KDM7A: variants seen among roughly 807,000 people sequenced by gnomAD.
The protein encoded by KDM7A is lysine-specific demethylase 7A.
A neutral mutation model predicts 114.8 loss-of-function variants in KDM7A; 28 were observed. The observed-to-expected ratio is 0.24, with a 90% CI of 0.18 to 0.33. The LOEUF is 0.33. Ranked by LOEUF, KDM7A falls within the 10% of genes least tolerant of loss-of-function variation. The pLI, the probability that KDM7A is intolerant of heterozygous loss-of-function variation, is 1.00. For missense variants in KDM7A, 942 were observed against 1,142.5 expected (o/e 0.82, Z 2.53); for synonymous variants, 423 against 397.8 (o/e 1.06, Z -0.75).
chr7:140,129,904 C>A (rs1423436064), intron 3 of KDM7A, among the ~76,000 whole-genome samples: 2 of 151,760 alleles, frequency 1.3e-5, no homozygotes, highest in Non-Finnish European at 1.5e-5. Context: ...GGTCTAAATG[C>A]AAAAAGAAAA....
intron 1 of KDM7A, among the ~76,000 whole-genome samples, chr7:140,164,893 A>C (rs974994889): frequency 6.6e-6 from 1 of 152,218 alleles, no homozygotes; most frequent in Admixed American, 6.5e-5. Context: ...CTACTTCTGC[A>C]TATGTCTGGT....
At chr7:140,151,534 A>AT (rs1170097240) in intron 1 of KDM7A, among the ~76,000 whole-genome samples, 1 of 152,216 alleles carries the variant, frequency 6.6e-6, no homozygotes, top group Admixed American at 6.5e-5. Context: ...AGAACTGATT[A>AT]TTTTTTTCTT....
At chr7:140,146,554 CACTT>C (rs1794342173) in intron 1 of KDM7A, among the ~76,000 whole-genome samples, 1 of 152,244 alleles carries the variant, frequency 6.6e-6, no homozygotes, top group Admixed American at 6.5e-5. Context: ...CTCTTCCACT[CACTT>C]CTCTTGTAAA....
In KDM7A at chr7:140,152,884, G is replaced by A. The variant is rs181522464; in HGVS notation, c.195-13694C>T. 3.3e-4 allele frequency among the ~76,000 whole-genome samples: 50 copies of A among 151,582 alleles called. No individual in the cohort carries two copies. In the East Asian group the frequency reaches 7.9e-3, roughly 24 times the overall value. On this transcript the variant is annotated intron_variant, in intron 1 of 19. Coordinates refer to ENST00000397560, the MANE Select transcript of KDM7A (RefSeq NM_030647.2). ...TTTTGTAATTCCTTTTTTTTGAGAC[G>A]GGGTCTCGCTCTGTCACCAGGCTGG... is the stretch of plus-strand genomic sequence containing the variant.
At chr7:140,166,762 C>T (rs1794580635) in intron 1 of KDM7A, among the ~76,000 whole-genome samples, 1 of 152,176 alleles carries the variant, frequency 6.6e-6, no homozygotes, top group Non-Finnish European at 1.5e-5. Context: ...CACTATTCAA[C>T]TCTATACGAG....
At position 140,090,374 on chromosome 7, in the gene KDM7A, G is replaced by T. The variant is rs1817998657; in HGVS notation, c.*720C>A. ...TTACTGGGTCATCACAAAATGATGG[G>T]GAGTGCAGAGGGAAGGTGGGATATA... On this transcript the variant is annotated 3_prime_UTR_variant, in exon 20 of 20. Transcript: ENST00000397560. The T allele has an allele frequency of 6.6e-6, 1 of 152,096 alleles. No individual in the cohort carries two copies. Among genetic ancestry groups the T allele is most frequent in the African/African-American group, 2.4e-5 (1 of 41,414 alleles). 9.4% of individuals were successfully genotyped at this position (152,096 alleles called of 1,614,324 possible). A position where few individuals can be genotyped will look rare whatever the true frequency, so the allele number is the denominator to read the frequency against.
chr7:140,171,557 ATT>A (rs376064363), intron 1 of KDM7A, among the ~76,000 whole-genome samples: 10 of 108,296 alleles, frequency 9.2e-5, no homozygotes, highest in African/African-American at 1.9e-4. Flanking sequence ...ATATATATTT[ATT>A]TTTATATATT....
chr7:140,131,744 T>A (rs1196380875), intron 3 of KDM7A, among the ~76,000 whole-genome samples: 2 of 152,226 alleles, frequency 1.3e-5, no homozygotes, highest in Non-Finnish European at 2.9e-5. Context: ...TGATCTCACA[T>A]GTTTGGTGTT....
intron 11 of KDM7A, among the ~76,000 whole-genome samples, chr7:140,109,312 T>G (rs965782261): frequency 2.0e-5 from 3 of 152,202 alleles, no homozygotes; most frequent in Non-Finnish European, 4.4e-5. Context: ...AGTACCTCAG[T>G]TGGAAATGCA....
At chr7:140,145,593 G>C (rs1330818422) in intron 1 of KDM7A, among the ~76,000 whole-genome samples, 1 of 152,120 alleles carries the variant, frequency 6.6e-6, no homozygotes, top group Non-Finnish European at 1.5e-5. Context: ...AATAAAACAA[G>C]TTCAAAACCA....
chr7:140,099,822 G>A, intron 13 of KDM7A, 77 bp downstream of exon 13: 1 of 1,381,366 alleles, frequency 7.2e-7, no homozygotes, highest in Non-Finnish European at 1.0e-6. Flanking sequence ...CAGAAAGGTT[G>A]AGGACCACTG....
chr7:140,159,797 T>G (rs1338205660), intron 1 of KDM7A, among the ~76,000 whole-genome samples: 1 of 152,140 alleles, frequency 6.6e-6, no homozygotes, highest in Non-Finnish European at 1.5e-5. Flanking sequence ...CCAGATGCAA[T>G]CAGCATATCA....
In KDM7A at chr7:140,099,916, T is replaced by G; in HGVS notation, c.1746A>C (p.Thr582=). ...AKDNDLRLLL[T]NGRIIKDERQ... ...TTACATACTTAATTATTCTTCCATT[T>G]GTCAGCAGTAATCGTAGATCATTAT... The change falls in exon 13 of 20, where the codon ACA becomes ACC. Residue 582 remains threonine (T), a synonymous_variant. Coordinates refer to ENST00000397560, the MANE Select transcript of KDM7A (RefSeq NM_030647.2). The G allele has an allele frequency of 1.2e-6, 2 of 1,610,620 alleles. No homozygotes were observed. The highest frequency in any genetic ancestry group is 1.7e-6 in the Non-Finnish European group (2 of 1,176,716).
chr7:140,128,493 A>G (rs1818740264), intron 4 of KDM7A, among the ~76,000 whole-genome samples: 1 of 152,236 alleles, frequency 6.6e-6, no homozygotes, highest in Non-Finnish European at 1.5e-5. Context: ...GTTAGCTATC[A>G]AGCAGTTTGA....
intron 1 of KDM7A, among the ~76,000 whole-genome samples, chr7:140,151,154 G>T (rs558228060): frequency 1.8e-3 from 271 of 152,202 alleles, no homozygotes; most frequent in Non-Finnish European, 3.3e-3. Context: ...TTCTTAACAA[G>T]TTCCCCAGGT....
rs2116741497 is a variant in KDM7A, at chr7:140,096,908, G to A, written c.2156C>T (p.Pro719Leu). The change falls in exon 16 of 20, where the codon CCA becomes CTA. Residue 719 changes from proline to leucine, a missense_variant. By Grantham distance (98) the Pro-to-Leu change is moderately conservative. Coordinates refer to ENST00000397560, the MANE Select transcript of KDM7A (RefSeq NM_030647.2). ...CTATCAGCAAGCCTACCTTTTAATT[G>A]GAATTTCACTTCTAGATGGCTTCTG... is the stretch of plus-strand genomic sequence containing the variant. ...KSQKPSRSEI[P>L]IKRECPTSTS... 1 of 1,613,592 alleles carries A rather than the reference G, an allele frequency of 6.2e-7. No individual in the cohort carries two copies. The highest frequency in any genetic ancestry group is 2.2e-5 in the East Asian group (1 of 44,842).
rs938441695 is a variant in KDM7A at position 140,089,157 on chromosome 7, G to A, written c.*1937C>T. 1 of 152,146 alleles carries A rather than the reference G, an allele frequency of 6.6e-6. No individual in the cohort carries two copies. The highest frequency in any genetic ancestry group is 2.4e-5 in the African/African-American group (1 of 41,440). 9.4% of individuals were successfully genotyped at this position (152,146 alleles called of 1,614,324 possible). A position where few individuals can be genotyped will look rare whatever the true frequency, so the allele number is the denominator to read the frequency against. ...GATTTTTGACATCCTGAGATAAGAT[G>A]ACTCTACCCATCTTTCCACTGGTTT... is the stretch of plus-strand genomic sequence containing the variant. On this transcript the variant is annotated 3_prime_UTR_variant, in exon 20 of 20. Coordinates refer to ENST00000397560, the MANE Select transcript of KDM7A (RefSeq NM_030647.2).
chr7:140,114,437 C>T (rs554013236), intron 9 of KDM7A, among the ~76,000 whole-genome samples: 40 of 150,680 alleles, frequency 2.7e-4, no homozygotes, highest in South Asian at 6.3e-4. Flanking sequence ...CCCGAGGTGC[C>T]GGGATTGCAG....
chr7:140,100,681 C>T (rs200652398), intron 12 of KDM7A, among the ~76,000 whole-genome samples: 4,650 of 43,412 alleles, frequency 0.11, 193 homozygotes, highest in Non-Finnish European at 0.13. Context: ...TATATATATA[C>T]ATATATACAT....
Sources: allele counts gnomAD v4.1 joint callset (sites outside exome capture counted in the v4.1 genomes callset), GRCh38; gene constraint gnomAD v4.1.1; transcripts MANE v1.5; gene names NCBI Gene and HGNC (gene_info 2026-07-23, HGNC 2026-07-21).